The following SNX18 variants were observed in gnomAD, a reference collection of about 807,000 sequenced individuals.
SNX18 encodes the protein sorting nexin 18.
In SNX18, 35 loss-of-function variants were observed where a neutral mutation model predicts 48.7. That is an observed-to-expected ratio of 0.72 (90% confidence interval 0.55 to 0.95). SNX18 has a LOEUF of 0.95. SNX18 is among the 40% of genes least tolerant of loss of function. SNX18 has a pLI of 0.00. For synonymous variants in SNX18, 492 were observed against 384.7 expected, an observed-to-expected ratio of 1.28 and a Z score of -3.26; for missense variants, 824 against 871.0, an observed-to-expected ratio of 0.95 and a Z score of 0.68.
chr5:54,626,387 GCTCAAGTGGTC>G, the SNX18 span, among the ~76,000 whole-genome samples: 3 of 152,016 alleles, frequency 2.0e-5, no homozygotes, highest in African/African-American at 7.3e-5. Flanking sequence ...AAACTCCTGG[GCTCAAGTGGTC>G]CTCCCACCTT....
downstream of SNX18, among the ~76,000 whole-genome samples, chr5:54,547,454 T>C (rs1762593735): frequency 1.3e-5 from 2 of 152,218 alleles, no homozygotes; most frequent in African/African-American, 4.8e-5. Context: ...GAATGTGATT[T>C]CTCTGCTTTT....
At chr5:54,641,409 TTA>T in the SNX18 span, among the ~76,000 whole-genome samples, 1 of 152,180 alleles carries the variant, frequency 6.6e-6, no homozygotes, top group Non-Finnish European at 1.5e-5. Context: ...ACTGACAGAA[TTA>T]TGTCTGGAAT....
At chr5:54,605,377 G>A in the SNX18 span, among the ~76,000 whole-genome samples, 22 of 152,016 alleles carry the variant, frequency 1.4e-4, no homozygotes, top group Admixed American at 2.6e-4. Context: ...TTTAAAAAAA[G>A]CAATATTTAA....
chr5:54,561,208 A>G, the SNX18 span, among the ~76,000 whole-genome samples: 6 of 151,398 alleles, frequency 4.0e-5, no homozygotes, highest in Admixed American at 6.6e-5. Flanking sequence ...ACGCCTGGCT[A>G]ATTTTGTATT....
intron 1 of SNX18, among the ~76,000 whole-genome samples, chr5:54,523,031 A>G (rs1007386778): frequency 1.3e-5 from 2 of 152,214 alleles, no homozygotes; most frequent in South Asian, 2.1e-4. Flanking sequence ...TTCAGAATCT[A>G]TTGGAATTTT....
chr5:54,585,685 C>T, the SNX18 span, among the ~76,000 whole-genome samples: 18 of 152,062 alleles, frequency 1.2e-4, no homozygotes, highest in African/African-American at 3.4e-4. Context: ...GCTGATGAAG[C>T]GCCTTCCAAC....
intron 1 of SNX18, among the ~76,000 whole-genome samples, chr5:54,531,141 C>T (rs768115729): frequency 1.2e-4 from 19 of 152,034 alleles, no homozygotes; most frequent in Admixed American, 2.0e-4. Context: ...GGAAGTTACT[C>T]CTGTTGGTTG....
At chr5:54,639,920 T>A in the SNX18 span, among the ~76,000 whole-genome samples, 2 of 152,082 alleles carry the variant, frequency 1.3e-5, no homozygotes, top group Non-Finnish European at 2.9e-5. Flanking sequence ...CCACGCACTA[T>A]AAGGAAAGGA....
At chr5:54,526,597 T>TA (rs2112842923) in intron 1 of SNX18, among the ~76,000 whole-genome samples, 1 of 152,296 alleles carries the variant, frequency 6.6e-6, no homozygotes, top group African/African-American at 2.4e-5. Context: ...GATTTATTCA[T>TA]AGGACCCTCT....
the SNX18 span, among the ~76,000 whole-genome samples, chr5:54,616,775 G>GA: frequency 0.23 from 34,125 of 149,158 alleles, 4,062 homozygotes; most frequent in Middle Eastern, 0.28. Flanking sequence ...TCTCAAAAAA[G>GA]AAAAAAAAAA....
chr5:54,549,292 T>G (rs1239986172), downstream of SNX18, among the ~76,000 whole-genome samples: 1 of 152,180 alleles, frequency 6.6e-6, no homozygotes, highest in African/African-American at 2.4e-5. Context: ...TTGTGTCACC[T>G]GTACTATGGA....
At chr5:54,624,876 G>C in the SNX18 span, among the ~76,000 whole-genome samples, 3 of 152,190 alleles carry the variant, frequency 2.0e-5, no homozygotes, top group Admixed American at 6.5e-5. Context: ...AGCTGTCAGC[G>C]CTGTGCCAGC....
the SNX18 span, among the ~76,000 whole-genome samples, chr5:54,565,662 T>C: frequency 6.6e-6 from 1 of 152,186 alleles, no homozygotes; most frequent in Non-Finnish European, 1.5e-5. Flanking sequence ...AATATCATTT[T>C]GTGTAAATAA....
At chr5:54,548,559 A>G (rs929438766), downstream of SNX18, among the ~76,000 whole-genome samples, 6 of 152,192 alleles carry the variant, frequency 3.9e-5, no homozygotes, top group Non-Finnish European at 8.8e-5. Context: ...TCACTAACCC[A>G]GCTCTGACCC....
At chr5:54,626,213 G>T in the SNX18 span, among the ~76,000 whole-genome samples, 2 of 152,180 alleles carry the variant, frequency 1.3e-5, no homozygotes, top group Non-Finnish European at 1.5e-5. Context: ...TAGTAAAAAA[G>T]AATCAGCAAG....
At chr5:54,639,335 T>C in the SNX18 span, among the ~76,000 whole-genome samples, 1 of 152,212 alleles carries the variant, frequency 6.6e-6, no homozygotes, top group African/African-American at 2.4e-5. Context: ...TCCATACATG[T>C]ATTTGTAGAA....
At chr5:54,552,326 G>T in the SNX18 span, among the ~76,000 whole-genome samples, 2 of 152,166 alleles carry the variant, frequency 1.3e-5, no homozygotes, top group East Asian at 1.9e-4. Flanking sequence ...GGCCTCAGAG[G>T]GGGTGGCCCA....
intron 1 of SNX18, among the ~76,000 whole-genome samples, chr5:54,530,452 T>G (rs1298106901): frequency 1.3e-5 from 2 of 152,178 alleles, no homozygotes; most frequent in Non-Finnish European, 2.9e-5. Flanking sequence ...TGCCTTAAGT[T>G]GAGACTGGTA....
intron 1 of SNX18, among the ~76,000 whole-genome samples, chr5:54,534,780 T>G (rs1028278708): frequency 6.6e-6 from 1 of 152,140 alleles, no homozygotes; most frequent in African/African-American, 2.4e-5. Context: ...CAGAGAAGTT[T>G]AGTGCAGTGC....
Sources: gnomAD v4.1 joint callset for allele counts (sites outside exome capture counted in the v4.1 genomes callset) on GRCh38, gnomAD v4.1.1 for gene constraint, MANE v1.5 for transcripts, NCBI Gene and HGNC (gene_info 2026-07-23, HGNC 2026-07-21) for gene names.